DNAH6: variants seen among roughly 807,000 people sequenced by gnomAD.
The protein encoded by DNAH6 is dynein axonemal heavy chain 6.
Under a neutral mutation model 491.4 loss-of-function variants are expected in DNAH6, and 340 were observed. The observed-to-expected ratio is 0.69, with a 90% CI of 0.63 to 0.76. The LOEUF is 0.76. Ranked by LOEUF, DNAH6 falls within the 30% of genes least tolerant of loss-of-function variation. The pLI, the probability that DNAH6 is intolerant of heterozygous loss-of-function variation, is 0.00. For missense variants in DNAH6, 4,443 were observed against 4,972.2 expected (o/e 0.89, Z 3.20); for synonymous variants, 1,603 against 1,686.1 (o/e 0.95, Z 1.21).
the DNAH6 span, among the ~76,000 whole-genome samples, chr2:84,487,634 T>C: frequency 4.1e-3 from 625 of 152,330 alleles, 2 homozygotes; most frequent in African/African-American, 0.014. Context: ...GATTTGTGGT[T>C]AAATCTTGAG....
intron 42 of DNAH6, among the ~76,000 whole-genome samples, chr2:84,682,437 G>A (rs1413166256): frequency 6.6e-6 from 1 of 152,138 alleles, no homozygotes; most frequent in African/African-American, 2.4e-5. Flanking sequence ...AGTAATTCTG[G>A]TCAATTCTAC....
chr2:84,636,672 T>TG (rs1002939785), intron 30 of DNAH6, among the ~76,000 whole-genome samples: 7 of 152,286 alleles, frequency 4.6e-5, no homozygotes, highest in African/African-American at 1.7e-4. Context: ...TGGAATTTCT[T>TG]GGGGAATACC....
chr2:84,664,161 T>C (rs1467780678), intron 37 of DNAH6, among the ~76,000 whole-genome samples: 4 of 151,842 alleles, frequency 2.6e-5, no homozygotes. Flanking sequence ...ATAGTAAACA[T>C]CATCGAGGCT....
At chr2:84,692,417 G>A (rs576783826) in intron 45 of DNAH6, among the ~76,000 whole-genome samples, 22 of 144,852 alleles carry the variant, frequency 1.5e-4, no homozygotes, top group South Asian at 2.3e-4. Context: ...TATAAATAAG[G>A]TAGATAGATA....
intron 4 of DNAH6, 129 bp downstream of exon 4, chr2:84,529,295 G>T: frequency 1.3e-6 from 1 of 743,252 alleles, no homozygotes; most frequent in Non-Finnish European, 2.1e-6. Context: ...AATGATAAAT[G>T]AATCCTAATC....
At chr2:84,479,927 G>A in the DNAH6 span, among the ~76,000 whole-genome samples, 1 of 152,192 alleles carries the variant, frequency 6.6e-6, no homozygotes, top group African/African-American at 2.4e-5. Flanking sequence ...TGTAATAGTT[G>A]CCTTTTTCAT....
At chr2:84,509,349 G>C in the DNAH6 span, among the ~76,000 whole-genome samples, 2 of 152,102 alleles carry the variant, frequency 1.3e-5, no homozygotes, top group African/African-American at 4.8e-5. Context: ...TGTCTCTTTT[G>C]ATACTTGTTG....
chr2:84,799,602 C>T (rs1678688545), intron 70 of DNAH6, among the ~76,000 whole-genome samples: 1 of 152,230 alleles, frequency 6.6e-6, no homozygotes, highest in Non-Finnish European at 1.5e-5. Context: ...ATCACCAAAC[C>T]ACCTGCAGAC....
At chr2:84,609,621 A>G (rs1686126757) in intron 21 of DNAH6, among the ~76,000 whole-genome samples, 1 of 152,096 alleles carries the variant, frequency 6.6e-6, no homozygotes, top group African/African-American at 2.4e-5. Context: ...ACCCCAAACA[A>G]TTATAATCAC....
Position 84,766,327 on chromosome 2 carries a change from C to T in DNAH6, c.10703+3382C>T, listed in dbSNP as rs548513150. The stretch of plus-strand genomic sequence containing the variant: ...AAAGACACATATTTCTAAAAGAAGA[C>T]AGATATTTTCTCTGACCACAATAAA... On this transcript the variant is annotated intron_variant, in intron 64 of 76. Transcript: ENST00000389394. Among the ~76,000 whole-genome samples the T allele has an allele frequency of 1.4e-4, 21 of 152,202 alleles. No individual in the cohort carries two copies. The South Asian group carries it at 3.5e-3, about 25-fold the overall frequency.
At position 84,713,249 on chromosome 2, in the gene DNAH6, A is replaced by C. The variant is rs1285786364; in HGVS notation, c.9533A>C (p.Tyr3178Ser). 1.9e-6 allele frequency: 3 copies of C among 1,552,090 alleles called. No homozygotes were observed. Among genetic ancestry groups the C allele is most frequent in the Admixed American group, 3.9e-5 (2 of 50,974 alleles). ...YMTTKMPNPH[Y>S]LPEVCIKVTI... ...ACAACCAAAATGCCAAATCCCCACT[A>C]TCTGCCTGAGGTATGAACTACTGGT... Residue 3178 changes from tyrosine (Y) to serine (S), a missense_variant, in exon 57 of 77, where the codon TAT becomes TCT. Physicochemically the swap from Tyr to Ser is moderately radical, Grantham distance 144 (BLOSUM62 -2). Transcript: ENST00000389394.
At chr2:84,801,588 A>G (rs933270251) in intron 70 of DNAH6, among the ~76,000 whole-genome samples, 7 of 152,196 alleles carry the variant, frequency 4.6e-5, no homozygotes, top group Non-Finnish European at 8.8e-5. Context: ...ATTCTTAAAG[A>G]AAAGAAATTC....
At position 84,653,776 on chromosome 2, in the gene DNAH6, A is replaced by G; in HGVS notation, c.5536A>G (p.Ile1846Val). 1.3e-6 allele frequency: 2 copies of G among 1,551,450 alleles called. No individual in the cohort carries two copies. The highest frequency in any genetic ancestry group is 8.7e-7 in the Non-Finnish European group (1 of 1,146,730). ...ISDGPVDALW[I>V]ENMNTVLDDN... is the part of the protein sequence containing the mutation. The stretch of plus-strand genomic sequence containing the variant: ...TGATGGGCCAGTAGATGCTCTTTGG[A>G]TTGAAAACATGAATACAGTGCTGGA... The change falls in exon 34 of 77, where the codon ATT becomes GTT. Residue 1846 changes from isoleucine to valine, a missense_variant. Around this residue, in one of 3 missense-constraint regions of DNAH6, gnomAD observed 2,977 missense variants for 3,296.6 expected, o/e 0.90. Coordinates refer to ENST00000389394, the MANE Select transcript of DNAH6 (RefSeq NM_001370.2).
At chr2:84,540,037 A>G (rs1678090412) in intron 4 of DNAH6, among the ~76,000 whole-genome samples, 1 of 152,142 alleles carries the variant, frequency 6.6e-6, no homozygotes, top group Non-Finnish European at 1.5e-5. Context: ...CCAAATCATA[A>G]TACTTTAAAA....
chr2:84,818,747 C>T (rs1680746744), intron 76 of DNAH6, among the ~76,000 whole-genome samples: 1 of 152,128 alleles, frequency 6.6e-6, no homozygotes, highest in Non-Finnish European at 1.5e-5. Flanking sequence ...ATCACTGTTG[C>T]AAGATATGAA....
intron 68 of DNAH6, among the ~76,000 whole-genome samples, chr2:84,792,359 G>C (rs1057383448): frequency 2.0e-5 from 3 of 152,198 alleles, no homozygotes; most frequent in African/African-American, 7.2e-5. Flanking sequence ...AATTTATCAA[G>C]AGAGTAGATT....
the DNAH6 span, among the ~76,000 whole-genome samples, chr2:84,481,970 A>G: frequency 6.6e-6 from 1 of 152,062 alleles, no homozygotes; most frequent in Non-Finnish European, 1.5e-5. Context: ...GCCCCTACAC[A>G]TTCCTCTAAG....
intron 40 of DNAH6, among the ~76,000 whole-genome samples, chr2:84,673,858 T>C (rs1692976463): frequency 1.3e-5 from 2 of 152,358 alleles, no homozygotes; most frequent in Middle Eastern, 3.4e-3. Flanking sequence ...CTCAGCCCAC[T>C]GACTCAAAAG....
At chr2:84,761,789 TAC>T (rs35707461) in intron 63 of DNAH6, among the ~76,000 whole-genome samples, 6,247 of 141,568 alleles carry the variant, frequency 0.044, 273 homozygotes, top group African/African-American at 0.13. Context: ...CACACACACA[TAC>T]ACACACACAC....
Sources: gnomAD v4.1 joint callset for allele counts (sites outside exome capture counted in the v4.1 genomes callset) on GRCh38, gnomAD v4.1.1 for gene constraint, gnomAD v4.1.1 regional missense constraint, MANE v1.5 for transcripts, NCBI Gene and HGNC (gene_info 2026-07-23, HGNC 2026-07-21) for gene names.